Variants in ANKS1B observed in about 807,000 individuals in gnomAD.
The protein encoded by ANKS1B is ankyrin repeat and sterile alpha motif domain containing 1B.
A neutral mutation model predicts 148.3 loss-of-function variants in ANKS1B; 36 were observed. The ratio of observed to expected loss-of-function variants is 0.24; its 90% CI spans 0.19 to 0.32. ANKS1B has a LOEUF of 0.32. Ranked by LOEUF, ANKS1B falls within the 10% of genes least tolerant of loss-of-function variation. The pLI is 1.00. For missense variants in ANKS1B, 1,157 were observed against 1,542.6 expected (o/e 0.75, Z 4.19); for synonymous variants, 542 against 560.8 (o/e 0.97, Z 0.47).
intron 1 of ANKS1B, among the ~76,000 whole-genome samples, chr12:99,927,505 T>C (rs1181675769): frequency 1.3e-5 from 2 of 152,188 alleles, no homozygotes; most frequent in East Asian, 3.8e-4. Context: ...AATGCAAAGA[T>C]TGCCTAGGAA....
chr12:99,504,488 A>G lies in ANKS1B; in HGVS notation c.1426T>C (p.Ser476Pro), dbSNP rs768980415. The G allele has an allele frequency of 6.8e-6, 11 of 1,612,120 alleles. No homozygotes were observed. Among genetic ancestry groups the G allele is most frequent in the Non-Finnish European group, 7.6e-6 (9 of 1,179,298 alleles). ...PCSLEIARAPSPRTDNASEVA... is the reference protein window; with the variant it reads ...PCSLEIARAPPPRTDNASEVA... ...TAAGAGATATTACCAGTTCTTGGGG[A>G]AGGTGCCCTTGCAATTTCTAAGGAG... Residue 476 changes from serine to proline, a missense_variant, in exon 10 of 27, where the codon TCC (serine) becomes CCC (proline). This residue lies in a region of ANKS1B where 661 missense variants were observed against 642.1 expected (regional missense o/e 1.03). Transcript: ENST00000683438.
intron 8 of ANKS1B, among the ~76,000 whole-genome samples, chr12:99,734,010 C>T (rs1351303511): frequency 2.0e-5 from 3 of 152,198 alleles, no homozygotes; most frequent in African/African-American, 7.2e-5. Flanking sequence ...GCATTCCCCA[C>T]AATAGCTGTT....
At chr12:99,107,110 T>G (rs2059385577) in intron 15 of ANKS1B, among the ~76,000 whole-genome samples, 1 of 151,718 alleles carries the variant, frequency 6.6e-6, no homozygotes, top group Admixed American at 6.6e-5. Flanking sequence ...ATAGTGAAAA[T>G]ATATAAATTA....
intron 25 of ANKS1B, among the ~76,000 whole-genome samples, chr12:98,762,137 T>C (rs2098416279): frequency 6.6e-6 from 1 of 152,148 alleles, no homozygotes; most frequent in African/African-American, 2.4e-5. Flanking sequence ...ATAAAGTACC[T>C]TGAGATGTCT....
chr12:99,089,133 A>C (rs1392305294), intron 15 of ANKS1B, among the ~76,000 whole-genome samples: 3 of 151,406 alleles, frequency 2.0e-5, no homozygotes, highest in Non-Finnish European at 2.9e-5. Context: ...TTCTCAATAA[A>C]AACTGAACAC....
chr12:99,296,711 G>A (rs114945055), intron 12 of ANKS1B, among the ~76,000 whole-genome samples: 98 of 152,254 alleles, frequency 6.4e-4, no homozygotes, highest in African/African-American at 2.1e-3. Context: ...AAAGAGTAGA[G>A]ACCTTGCTTG....
intron 17 of ANKS1B, among the ~76,000 whole-genome samples, chr12:98,917,383 A>G (rs547066862): frequency 2.6e-5 from 4 of 152,168 alleles, no homozygotes; most frequent in African/African-American, 9.6e-5. Flanking sequence ...CTCCCACTTT[A>G]TGCTCCAGAG....
intron 17 of ANKS1B, among the ~76,000 whole-genome samples, chr12:98,948,538 T>C (rs984276950): frequency 2.0e-5 from 3 of 152,216 alleles, no homozygotes; most frequent in East Asian, 1.9e-4. Flanking sequence ...TATTCAGAGA[T>C]AGGATCTTTT....
At chr12:98,892,895 G>C (rs1354499333) in intron 17 of ANKS1B, among the ~76,000 whole-genome samples, 1 of 152,010 alleles carries the variant, frequency 6.6e-6, no homozygotes, top group Non-Finnish European at 1.5e-5. Context: ...CATGGCTTAA[G>C]AAAAAAATAT....
chr12:99,837,006 G>T (rs2084952558), intron 1 of ANKS1B, among the ~76,000 whole-genome samples: 1 of 152,126 alleles, frequency 6.6e-6, no homozygotes, highest in Non-Finnish European at 1.5e-5. Context: ...GAGAATTAAG[G>T]TTGCAGATAG....
At chr12:99,529,146 C>A (rs1008170895) in intron 9 of ANKS1B, among the ~76,000 whole-genome samples, 12 of 151,940 alleles carry the variant, frequency 7.9e-5, no homozygotes, top group Non-Finnish European at 1.6e-4. Context: ...TGAAAACATG[C>A]CAAATGTCAG....
At chr12:99,955,276 T>G (rs973921276) in intron 1 of ANKS1B, among the ~76,000 whole-genome samples, 3 of 151,912 alleles carry the variant, frequency 2.0e-5, no homozygotes, top group Non-Finnish European at 2.9e-5. Flanking sequence ...AGAGCAGCCT[T>G]TAAAAGGCCT....
chr12:99,706,417 T>C (rs1250831070), intron 8 of ANKS1B: 1 of 152,064 alleles, frequency 6.6e-6, no homozygotes, highest in African/African-American at 2.4e-5. Context: ...CTTTATGATA[T>C]TATATAATTT....
At chr12:99,169,412 G>A (rs2077520606) in intron 14 of ANKS1B, among the ~76,000 whole-genome samples, 1 of 152,144 alleles carries the variant, frequency 6.6e-6, no homozygotes, top group Non-Finnish European at 1.5e-5. Context: ...TGGAAAGGAT[G>A]AAGGAAAACT....
chr12:99,781,043 A>G (rs1169005709), intron 5 of ANKS1B, among the ~76,000 whole-genome samples: 1 of 140,190 alleles, frequency 7.1e-6, no homozygotes, highest in Non-Finnish European at 1.5e-5. Context: ...AATATTATGA[A>G]TTTTCCAAAC....
At chr12:99,320,320 C>T (rs1414839187) in intron 12 of ANKS1B, among the ~76,000 whole-genome samples, 1 of 152,208 alleles carries the variant, frequency 6.6e-6, no homozygotes, top group Non-Finnish European at 1.5e-5. Flanking sequence ...CCGTCACTTT[C>T]TGGTACAACA....
At chr12:98,983,352 T>C (rs2099917833) in intron 17 of ANKS1B, among the ~76,000 whole-genome samples, 1 of 152,128 alleles carries the variant, frequency 6.6e-6, no homozygotes, top group Admixed American at 6.5e-5. Context: ...TCTCAGATCC[T>C]TGTCCCATAG....
intron 9 of ANKS1B, among the ~76,000 whole-genome samples, chr12:99,575,116 C>T (rs1449160436): frequency 6.6e-6 from 1 of 151,960 alleles, no homozygotes; most frequent in Non-Finnish European, 1.5e-5. Flanking sequence ...TGGACAGATC[C>T]TCCAAAGTCT....
chr12:98,832,227 G>A, intron 17 of ANKS1B, 91 bp from the exon 18 acceptor site: 4 of 1,015,668 alleles, frequency 3.9e-6, no homozygotes, highest in Non-Finnish European at 5.7e-6. Flanking sequence ...AAAGATTTGT[G>A]CAAAGTTACT....
Sources: gnomAD v4.1 joint callset for allele counts (sites outside exome capture counted in the v4.1 genomes callset) on GRCh38, gnomAD v4.1.1 for gene constraint, gnomAD v4.1.1 regional missense constraint, MANE v1.5 for transcripts, NCBI Gene and HGNC (gene_info 2026-07-23, HGNC 2026-07-21) for gene names.